Variants in NEURL1 observed in about 807,000 individuals in gnomAD.
NEURL1 encodes the protein E3 ubiquitin-protein ligase NEURL1.
A neutral mutation model predicts 41.2 loss-of-function variants in NEURL1; 26 were observed. The ratio of observed to expected loss-of-function variants is 0.63; its 90% CI spans 0.46 to 0.87. The LOEUF is 0.87. Among genes scored for constraint, NEURL1 ranks in the 40% least tolerant of loss-of-function variants. The pLI is 0.00. For missense variants in NEURL1, 761 were observed against 871.1 expected, an observed-to-expected ratio of 0.87 and a Z score of 1.59; for synonymous variants, 400 against 402.3, an observed-to-expected ratio of 0.99 and a Z score of 0.07.
intron 1 of NEURL1, chr10:103,548,935 C>T (rs1437701904): frequency 6.6e-6 from 1 of 152,240 alleles, no homozygotes; most frequent in African/African-American, 2.4e-5. Flanking sequence ...ATCCATCCAC[C>T]CTTCCTGACC....
chr10:103,567,950 G>C (rs557063652), intron 1 of NEURL1, among the ~76,000 whole-genome samples: 9 of 152,344 alleles, frequency 5.9e-5, no homozygotes, highest in Admixed American at 5.2e-4. Flanking sequence ...ATGTGTGATA[G>C]GCATGTGTTT....
At chr10:103,568,587 A>G (rs2035474080) in intron 1 of NEURL1, among the ~76,000 whole-genome samples, 1 of 152,206 alleles carries the variant, frequency 6.6e-6, no homozygotes, top group South Asian at 2.1e-4. Context: ...GCACATGTTT[A>G]AAGTGTCCAA....
At chr10:103,521,577 G>A (rs1010918988) in intron 1 of NEURL1, among the ~76,000 whole-genome samples, 1 of 152,212 alleles carries the variant, frequency 6.6e-6, no homozygotes, top group African/African-American at 2.4e-5. Context: ...GAAAGGAAAT[G>A]AGAGGTTCTA....
At chr10:103,531,481 C>G (rs1168447988) in intron 1 of NEURL1, among the ~76,000 whole-genome samples, 1 of 151,738 alleles carries the variant, frequency 6.6e-6, no homozygotes, top group African/African-American at 2.4e-5. Flanking sequence ...CTCAAGCTAC[C>G]CTCCTGCTGT....
chr10:103,507,418 A>G (rs1365404155), intron 1 of NEURL1, among the ~76,000 whole-genome samples: 1 of 152,072 alleles, frequency 6.6e-6, no homozygotes, highest in Non-Finnish European at 1.5e-5. Flanking sequence ...CCTTTATGCA[A>G]GGAGAGAGGT....
At chr10:103,512,434 C>T (rs529760883) in intron 1 of NEURL1, among the ~76,000 whole-genome samples, 1 of 152,334 alleles carries the variant, frequency 6.6e-6, no homozygotes, top group Admixed American at 6.5e-5. Context: ...GGTCCTGGCT[C>T]TGCCAGCCAC....
chr10:103,582,152 C>G (rs973504943), intron 3 of NEURL1, among the ~76,000 whole-genome samples: 4 of 152,114 alleles, frequency 2.6e-5, no homozygotes, highest in Admixed American at 1.3e-4. Context: ...CTGGACATCT[C>G]TGAGCGACCT....
At position 103,571,008 on chromosome 10, in the gene NEURL1, C is replaced by A; in HGVS notation, c.222C>A (p.Ile74=). 2 of 1,614,070 alleles carry A rather than the reference C, an allele frequency of 1.2e-6. No individual in the cohort carries two copies. Among genetic ancestry groups the A allele is most frequent in the Admixed American group, 1.7e-5 (1 of 60,034 alleles). ...ACCCGCACACCAAGGGCTCCCAGAT[C>A]CTCATGGACCTCAGCCACAAGGCTG... is the stretch of plus-strand genomic sequence containing the variant. The part of the protein sequence containing the change: ...LFHPHTKGSQ[I]LMDLSHKAVK... Residue 74 remains isoleucine, a synonymous_variant, in exon 2 of 6, where the codon ATC becomes ATA. Transcript: ENST00000369780.
intron 1 of NEURL1, among the ~76,000 whole-genome samples, chr10:103,531,321 A>T (rs1178434423): frequency 6.6e-6 from 1 of 152,184 alleles, no homozygotes; most frequent in East Asian, 1.9e-4. Flanking sequence ...TCCTATCTAG[A>T]TGATCTATCC....
chr10:103,575,940 AGAGCAGCTGT>A (rs2035653426), intron 3 of NEURL1, among the ~76,000 whole-genome samples: 1 of 152,276 alleles, frequency 6.6e-6, no homozygotes. Context: ...CAATTCAGGA[AGAGCAGCTGT>A]GAGTCCCAGC....
chr10:103,584,711 G>A lies in NEURL1; in HGVS notation c.825G>A (p.Gln275=). Residue 275 remains glutamine (Q), a synonymous_variant, in exon 4 of 6, where the codon CAG becomes CAA. Coordinates refer to ENST00000369780, the MANE Select transcript of NEURL1 (RefSeq NM_004210.5). ...CGGCCGCCGGCTGCCCCATCCCGCA[G>A]AACTCACTCAACTCGCAGCACAGCC... ...AAPAAGCPIP[Q]NSLNSQHSRA... is the part of the protein sequence containing the mutation. 6.8e-7 allele frequency: 1 copy of A among 1,464,434 alleles called. No homozygotes were observed. The highest frequency in any genetic ancestry group is 9.0e-7 in the Non-Finnish European group (1 of 1,113,750). 90.7% of individuals were successfully genotyped at this position (1,464,434 alleles called of 1,614,324 possible).
intron 1 of NEURL1, among the ~76,000 whole-genome samples, chr10:103,533,341 T>C (rs1296614583): frequency 6.6e-6 from 1 of 152,044 alleles, no homozygotes; most frequent in Non-Finnish European, 1.5e-5. Context: ...TTTCTCTGAC[T>C]GGGTAATTTC....
intron 1 of NEURL1, among the ~76,000 whole-genome samples, chr10:103,507,226 G>A (rs1056482293): frequency 1.1e-4 from 16 of 152,174 alleles, no homozygotes; most frequent in African/African-American, 3.9e-4. Flanking sequence ...GAACACCTGA[G>A]GGGGACAAGT....
rs532885946 is a variant in NEURL1, at chr10:103,495,693, C to G, written c.85+1221C>G. On this transcript the variant is annotated intron_variant, in intron 1 of 5. Transcript: ENST00000369780. ...GAGGAGGAGAGATAGGACCACTGTC[C>G]TGCATTCTAATACTCCAGCTCTTTC... Among the ~76,000 whole-genome samples the G allele has an allele frequency of 2.0e-5, 3 of 152,332 alleles. No homozygotes were observed. In the East Asian group the frequency reaches 5.8e-4, roughly 29 times the overall value.
chr10:103,509,614 T>C (rs2034025619), intron 1 of NEURL1, among the ~76,000 whole-genome samples: 1 of 152,256 alleles, frequency 6.6e-6, no homozygotes, highest in African/African-American at 2.4e-5. Flanking sequence ...CTGTCTTATA[T>C]GTGATCTGTC....
chr10:103,533,175 C>T (rs2034609923), intron 1 of NEURL1, among the ~76,000 whole-genome samples: 1 of 151,888 alleles, frequency 6.6e-6, no homozygotes, highest in Non-Finnish European at 1.5e-5. Context: ...GATCCACCCG[C>T]CTTGGCCTCT....
chr10:103,558,610 G>A lies in NEURL1; in HGVS notation c.86-12262G>A, dbSNP rs553783605. 2.2e-4 allele frequency among the ~76,000 whole-genome samples: 33 copies of A among 152,038 alleles called. No homozygotes were observed. Among genetic ancestry groups the A allele is most frequent in the African/African-American group, 7.2e-4 (30 of 41,468 alleles). On this transcript the variant is annotated intron_variant, in intron 1 of 5. Transcript: ENST00000369780. The surrounding 1 kb of genome is among the most constrained non-coding windows in gnomAD (Gnocchi z 4.2). ...ACCAGCCTGGCAGGAGACCCATGGG[G>A]AAATGAATTCCCATTTGGAAAATGG...
rs1157131260 is a variant in NEURL1, at chr10:103,583,933, CCT to C, written c.650-602_650-601del. Among the ~76,000 whole-genome samples the C allele has an allele frequency of 4.0e-5, 6 of 151,810 alleles. No individual in the cohort carries two copies. In the East Asian group the frequency reaches 1.2e-3, roughly 29 times the overall value. Reference sequence around the variant, plus strand: ...TAAAAAAGAACGATGAGTTTGATTCCCTGTTAAGCCACTTTCAAAAGGGTATC... The same window carrying C: ...TAAAAAAGAACGATGAGTTTGATTCCGTTAAGCCACTTTCAAAAGGGTATC... On this transcript the variant is annotated intron_variant, in intron 3 of 5. Transcript: ENST00000369780.
chr10:103,514,945 C>T (rs760600747), intron 1 of NEURL1, among the ~76,000 whole-genome samples: 8 of 152,154 alleles, frequency 5.3e-5, no homozygotes, highest in Non-Finnish European at 7.4e-5. Context: ...CAAGAAACAT[C>T]AGGCTGGGCA....
Sources: gnomAD v4.1 joint callset for allele counts (sites outside exome capture counted in the v4.1 genomes callset) on GRCh38, gnomAD v4.1.1 for gene constraint, Gnocchi (gnomAD v3.1) non-coding constraint, MANE v1.5 for transcripts, NCBI Gene and HGNC (gene_info 2026-07-23, HGNC 2026-07-21) for gene names.